APLF: variants seen among roughly 807,000 people sequenced by gnomAD.
APLF encodes the protein aprataxin and PNKP like factor, also known as aprataxin and PNK-like factor.
A neutral mutation model predicts 55.6 loss-of-function variants in APLF; 61 were observed. That is an observed-to-expected ratio of 1.10 (90% CI 0.89 to 1.36). The LOEUF (loss-of-function observed/expected upper bound fraction) is 1.36. Among genes scored for constraint, APLF ranks in the 40% most tolerant of loss-of-function variants. APLF has a pLI of 0.00. For missense variants in APLF, 611 were observed against 602.5 expected (o/e 1.01, Z -0.15); for synonymous variants, 207 against 214.8 (o/e 0.96, Z 0.32).
rs1321104247 is a variant in APLF, at chr2:68,545,328, G to C, written c.1286+16G>C. On this transcript the variant is annotated intron_variant, in intron 8 of 9. Coordinates refer to ENST00000303795, the MANE Select transcript of APLF (RefSeq NM_173545.3). ...CCTGTTATAGGTATAGAAACTGAAT[G>C]TTTGGCTGCACTCCTTTTCTTTCTT... The C allele has an allele frequency of 1.2e-6, 2 of 1,601,852 alleles. No individual in the cohort carries two copies. Among genetic ancestry groups the C allele is most frequent in the Non-Finnish European group, 1.7e-6 (2 of 1,173,954 alleles).
At chr2:68,550,750 G>A (rs1670837443) in intron 8 of APLF, among the ~76,000 whole-genome samples, 1 of 151,484 alleles carries the variant, frequency 6.6e-6, no homozygotes, top group South Asian at 2.1e-4. Context: ...CTTACTGTTG[G>A]TGCTTTTACC....
At chr2:68,575,957 G>T (rs530414357) in intron 9 of APLF, among the ~76,000 whole-genome samples, 1 of 152,272 alleles carries the variant, frequency 6.6e-6, no homozygotes, top group African/African-American at 2.4e-5. Flanking sequence ...TAAGGAGTGA[G>T]TTAGAGAAGA....
At chr2:68,534,578 A>G (rs1372214384) in intron 6 of APLF, among the ~76,000 whole-genome samples, 1 of 151,948 alleles carries the variant, frequency 6.6e-6, no homozygotes, top group Non-Finnish European at 1.5e-5. Flanking sequence ...CATTCCCACC[A>G]CCTCCAAACA....
chr2:68,573,431 G>T (rs1224924341), intron 9 of APLF, among the ~76,000 whole-genome samples: 1 of 152,142 alleles, frequency 6.6e-6, no homozygotes, highest in Middle Eastern at 3.2e-3. Context: ...CTAGCACTTT[G>T]GGGGGCCGAG....
intron 8 of APLF, among the ~76,000 whole-genome samples, chr2:68,556,152 G>A (rs1671001867): frequency 6.6e-6 from 1 of 152,142 alleles, no homozygotes; most frequent in African/African-American, 2.4e-5. Context: ...AAGCTGTGAG[G>A]ATGCAAAGGC....
At position 68,579,437 on chromosome 2, in the gene APLF, C is replaced by T. The variant is rs1157639175; in HGVS notation, c.*1415C>T. The T allele has an allele frequency of 7.4e-6, 7 of 940,532 alleles. No homozygotes were observed. The East Asian group carries it at 5.8e-4, about 78-fold the overall frequency. The allele number at this position is 940,532 out of a possible 1,614,324, so 58.3% of individuals were successfully genotyped here. ...TCCTTGAAGTGTTACATAATCTACT[C>T]CTAGGTATATACCCAGAGGAATTGA... On this transcript the variant is annotated 3_prime_UTR_variant, in exon 10 of 10. Coordinates refer to ENST00000303795, the MANE Select transcript of APLF (RefSeq NM_173545.3).
At chr2:68,480,586 G>C in intron 1 of APLF, among the ~76,000 whole-genome samples, 1 of 152,038 alleles carries the variant, frequency 6.6e-6, no homozygotes, top group East Asian at 1.9e-4. Context: ...ACAGATGTGA[G>C]CTACCATGCC....
chr2:68,546,220 T>C (rs956357815), intron 8 of APLF, among the ~76,000 whole-genome samples: 4 of 152,074 alleles, frequency 2.6e-5, no homozygotes, highest in Non-Finnish European at 5.9e-5. Flanking sequence ...AATACAACTT[T>C]AAGAAACAGA....
chr2:68,469,975 G>A (rs1675567953), intron 1 of APLF, among the ~76,000 whole-genome samples: 1 of 152,214 alleles, frequency 6.6e-6, no homozygotes. Flanking sequence ...TTGACAATGA[G>A]AATGGTTTTG....
At chr2:68,525,297 T>C (rs1200935666) in intron 5 of APLF, among the ~76,000 whole-genome samples, 1 of 150,506 alleles carries the variant, frequency 6.6e-6, no homozygotes, top group Non-Finnish European at 1.5e-5. Context: ...CTCTGTCTCA[T>C]TAAAAAAAAA....
At chr2:68,559,961 T>C in intron 8 of APLF, among the ~76,000 whole-genome samples, 1 of 152,154 alleles carries the variant, frequency 6.6e-6, no homozygotes, top group East Asian at 1.9e-4. Flanking sequence ...TTGAAGTGTA[T>C]CAATCTTCAT....
At chr2:68,510,761 T>G (rs781638020) in intron 3 of APLF, among the ~76,000 whole-genome samples, 15 of 151,632 alleles carry the variant, frequency 9.9e-5, no homozygotes, top group African/African-American at 1.5e-4. Flanking sequence ...AGCCAAAAAG[T>G]GGAAATAACT....
chr2:68,571,254 C>A (rs182899632), intron 9 of APLF, among the ~76,000 whole-genome samples: 2,097 of 152,156 alleles, frequency 0.014, 41 homozygotes, highest in African/African-American at 0.046. Context: ...TGCCTGTTCA[C>A]TCTGATGGTA....
intron 1 of APLF, among the ~76,000 whole-genome samples, chr2:68,469,697 A>G (rs1490704671): frequency 6.6e-6 from 1 of 152,196 alleles, no homozygotes; most frequent in Non-Finnish European, 1.5e-5. Flanking sequence ...ACTGGTTAAA[A>G]CACAACATAA....
intron 1 of APLF, among the ~76,000 whole-genome samples, chr2:68,479,091 A>G (rs1040838770): frequency 2.6e-5 from 4 of 152,136 alleles, no homozygotes; most frequent in African/African-American, 9.7e-5. Flanking sequence ...AAGGTGCTGA[A>G]GTGGTCTACT....
chr2:68,573,391 G>A (rs1051262827), intron 9 of APLF, among the ~76,000 whole-genome samples: 3 of 152,014 alleles, frequency 2.0e-5, no homozygotes, highest in Non-Finnish European at 2.9e-5. Flanking sequence ...AGTAATTTCC[G>A]GCCAGGCACA....
chr2:68,483,089 G>A (rs1194346361), intron 1 of APLF, among the ~76,000 whole-genome samples: 1 of 152,106 alleles, frequency 6.6e-6, no homozygotes, highest in Non-Finnish European at 1.5e-5. Flanking sequence ...AAGCTAGAGA[G>A]ACACAGTGGC....
At position 68,513,241 on chromosome 2, in the gene APLF, T is replaced by C. The variant is rs1221649875; in HGVS notation, c.489+14T>C. On this transcript the variant is annotated intron_variant, in intron 4 of 9. Coordinates refer to ENST00000303795, the MANE Select transcript of APLF (RefSeq NM_173545.3). Reference sequence around the variant, plus strand: ...ACAAATAGTGTGGTGAGAAATTTGATATCTCATCCATTTATAACATGTTCT... The same window carrying C: ...ACAAATAGTGTGGTGAGAAATTTGACATCTCATCCATTTATAACATGTTCT... The C allele has an allele frequency of 6.3e-7, 1 of 1,594,106 alleles. No homozygotes were observed. The highest frequency in any genetic ancestry group is 8.5e-7 in the Non-Finnish European group (1 of 1,172,874).
In APLF at chr2:68,577,950, A is replaced by G. The variant is rs772687154; in HGVS notation, c.1464A>G (p.Gly488=). The change falls in exon 10 of 10, where the codon GGA becomes GGG. Residue 488 remains glycine, a synonymous_variant. Transcript: ENST00000303795. Reference sequence around the variant, plus strand: ...ATGAAGATTCTGACTGGGAACCAGGAAAGGAAGATGAAGAGAAGGAAGATG... The same window carrying G: ...ATGAAGATTCTGACTGGGAACCAGGGAAGGAAGATGAAGAGAAGGAAGATG... ...PTDEDSDWEP[G]KEDEEKEDVE... 4.3e-6 allele frequency: 7 copies of G among 1,613,530 alleles called. No homozygotes were observed. The highest frequency in any genetic ancestry group is 3.3e-5 in the Admixed American group (2 of 59,924).
Sources: allele counts gnomAD v4.1 joint callset (sites outside exome capture counted in the v4.1 genomes callset), GRCh38; gene constraint gnomAD v4.1.1; transcripts MANE v1.5; gene names NCBI Gene and HGNC (gene_info 2026-07-23, HGNC 2026-07-21).